The following ST3GAL1 variants were observed in gnomAD, a reference collection of about 807,000 sequenced individuals.
ST3GAL1 encodes the protein ST3 beta-galactoside alpha-2,3-sialyltransferase 1.
ST3GAL1 carries 16 observed loss-of-function variants against 34.1 expected under a neutral mutation model. The observed-to-expected ratio is 0.47, with a 90% confidence interval of 0.32 to 0.71. ST3GAL1 has a LOEUF of 0.71. Among genes scored for constraint, ST3GAL1 ranks in the 30% least tolerant of loss-of-function variants. ST3GAL1 has a pLI of 0.04. For missense variants in ST3GAL1, 353 were observed against 447.4 expected (o/e 0.79, Z 1.90); for synonymous variants, 191 against 184.7 (o/e 1.03, Z -0.28).
intron 1 of ST3GAL1, among the ~76,000 whole-genome samples, chr8:133,552,220 C>A (rs1818884539): frequency 1.3e-5 from 2 of 152,148 alleles, no homozygotes; most frequent in Admixed American, 6.5e-5. Flanking sequence ...CATGAATGTG[C>A]AAGTAGGTGG....
intron 2 of ST3GAL1, among the ~76,000 whole-genome samples, chr8:133,521,745 A>G (rs939432238): frequency 6.6e-6 from 1 of 152,254 alleles, no homozygotes; most frequent in African/African-American, 2.4e-5. Flanking sequence ...AGAATTTTAA[A>G]TAACACGGAG....
intron 3 of ST3GAL1, among the ~76,000 whole-genome samples, chr8:133,487,182 G>A (rs1816636843): frequency 1.3e-5 from 2 of 152,020 alleles, no homozygotes; most frequent in Non-Finnish European, 2.9e-5. Context: ...CTCGTGATCT[G>A]CCCACCTTGG....
chr8:133,555,215 C>T (rs144890953), intron 1 of ST3GAL1, among the ~76,000 whole-genome samples: 17 of 152,168 alleles, frequency 1.1e-4, no homozygotes, highest in East Asian at 1.9e-4. Context: ...TCAGCCTGGC[C>T]GGGCTTTAGT....
chr8:133,568,960 G>A (rs1430340626), intron 1 of ST3GAL1, among the ~76,000 whole-genome samples: 1 of 152,240 alleles, frequency 6.6e-6, no homozygotes, highest in Non-Finnish European at 1.5e-5. Context: ...ACCAGGGAAG[G>A]GGGGCAGTAC....
intron 2 of ST3GAL1, among the ~76,000 whole-genome samples, chr8:133,509,568 C>G (rs1461978860): frequency 6.6e-6 from 1 of 152,258 alleles, no homozygotes. Flanking sequence ...CGCTTGCAAA[C>G]ACCATGTGAG....
intron 2 of ST3GAL1, among the ~76,000 whole-genome samples, chr8:133,523,748 G>A (rs781689312): frequency 6.6e-5 from 10 of 152,320 alleles, no homozygotes; most frequent in Middle Eastern, 3.4e-3. Flanking sequence ...CAAACGGACT[G>A]GCAGAAGGCT....
chr8:133,525,046 A>T (rs1308284398), intron 2 of ST3GAL1, among the ~76,000 whole-genome samples: 2 of 152,206 alleles, frequency 1.3e-5, no homozygotes, highest in Non-Finnish European at 2.9e-5. Flanking sequence ...CAGCTCTTTC[A>T]GTCCCACCAT....
chr8:133,481,778 G>A lies in ST3GAL1; in HGVS notation c.-373-5178C>T, dbSNP rs1000619776. 6.6e-4 allele frequency among the ~76,000 whole-genome samples: 90 copies of A among 135,412 alleles called. 1 individual carries two copies. Among genetic ancestry groups the A allele is most frequent in the African/African-American group, 2.2e-3 (85 of 38,304 alleles). 88.8% of individuals were successfully genotyped at this position (135,412 alleles called of 152,430 possible). A position where few individuals can be genotyped will look rare whatever the true frequency, so the allele number is the denominator to read the frequency against. ...CCCAAAGTGCTGGGATTATAGGCAT[G>A]AGCCACCATGCCCAGTCTTTTTAGC... On this transcript the variant is annotated intron_variant, in intron 3 of 9. Transcript: ENST00000522652.
intron 6 of ST3GAL1, 78 bp downstream of exon 6, chr8:133,465,816 T>C (rs2130923984): frequency 1.3e-6 from 2 of 1,509,106 alleles, no homozygotes; most frequent in African/African-American, 1.4e-5. Flanking sequence ...TTCCTGAGCC[T>C]GAGCCAAGAT....
intron 3 of ST3GAL1, among the ~76,000 whole-genome samples, chr8:133,486,126 ACCCAAGG>A (rs1425922467): frequency 2.6e-5 from 4 of 152,164 alleles, no homozygotes; most frequent in African/African-American, 9.7e-5. Flanking sequence ...CAAGCCACCT[ACCCAAGG>A]CCCTCGGCCG....
Position 133,558,107 on chromosome 8 carries a change from T to C in ST3GAL1, c.-581-12181A>G, listed in dbSNP as rs1031185464. On this transcript the variant is annotated intron_variant, in intron 1 of 9. Transcript: ENST00000522652. ...AGGAAGCGCTCTCTGGTTGGAAGCT[T>C]TGAATGAGAAAGAGCCTTCTAAACC... 2.0e-5 allele frequency among the ~76,000 whole-genome samples: 3 copies of C among 152,106 alleles called. No homozygotes were observed. The South Asian group carries it at 6.2e-4, about 32-fold the overall frequency.
Position 133,461,335 on chromosome 8 carries a change from G to C in ST3GAL1, c.849+540C>G, listed in dbSNP as rs1038949168. On this transcript the variant is annotated intron_variant, in intron 9 of 9. Coordinates refer to ENST00000522652, the MANE Select transcript of ST3GAL1 (RefSeq NM_173344.3). The surrounding 1 kb of genome is among the most constrained non-coding windows in gnomAD (Gnocchi z 4.7). ...TCCTGGGGTGGCAGCAAACCTCTCA[G>C]AGCATAAGTGGAAACCCGAACACAG... Among the ~76,000 whole-genome samples the C allele has an allele frequency of 1.3e-5, 2 of 152,164 alleles. No individual in the cohort carries two copies. Among genetic ancestry groups the C allele is most frequent in the African/African-American group, 4.8e-5 (2 of 41,432 alleles).
At chr8:133,488,124 C>G (rs1019098173) in intron 3 of ST3GAL1, 7 of 152,190 alleles carry the variant, frequency 4.6e-5, no homozygotes, top group Admixed American at 2.0e-4. Flanking sequence ...GTGGCTTGCC[C>G]CTGTCATCCC....
intron 1 of ST3GAL1, among the ~76,000 whole-genome samples, chr8:133,568,818 G>C (rs759266580): frequency 1.3e-5 from 2 of 152,022 alleles, no homozygotes; most frequent in African/African-American, 2.4e-5. Context: ...GCTTGGTGGG[G>C]AGGGGAGACA....
At chr8:133,556,000 T>C (rs9297869) in intron 1 of ST3GAL1, among the ~76,000 whole-genome samples, 109,280 of 152,068 alleles carry the variant, frequency 0.72, 39,716 homozygotes, top group Middle Eastern at 0.88. Flanking sequence ...TTCAAGCAAT[T>C]CTCGTGCCTC....
chr8:133,522,241 C>G (rs1817833338), intron 2 of ST3GAL1, among the ~76,000 whole-genome samples: 1 of 152,110 alleles, frequency 6.6e-6, no homozygotes, highest in Non-Finnish European at 1.5e-5. Flanking sequence ...AAGGAAAGTT[C>G]AGAGGATGTG....
intron 1 of ST3GAL1, among the ~76,000 whole-genome samples, chr8:133,554,320 C>T (rs1818944039): frequency 6.6e-6 from 1 of 152,192 alleles, no homozygotes; most frequent in Non-Finnish European, 1.5e-5. Flanking sequence ...CCTATGCTCC[C>T]TTGCAGCGAA....
chr8:133,463,811 C>T (rs1815617245), intron 7 of ST3GAL1, among the ~76,000 whole-genome samples: 1 of 152,222 alleles, frequency 6.6e-6, no homozygotes, highest in South Asian at 2.1e-4. Context: ...GCTGCTGGGG[C>T]ACTGGCTGGT....
chr8:133,557,321 C>T (rs910115755), intron 1 of ST3GAL1, among the ~76,000 whole-genome samples: 12 of 152,178 alleles, frequency 7.9e-5, no homozygotes, highest in Non-Finnish European at 1.5e-4. Context: ...CAATGGGGTC[C>T]TCATAGGATA....
Sources: allele counts gnomAD v4.1 joint callset (sites outside exome capture counted in the v4.1 genomes callset), GRCh38; gene constraint gnomAD v4.1.1; non-coding constraint Gnocchi (gnomAD v3.1); transcripts MANE v1.5; gene names NCBI Gene and HGNC (gene_info 2026-07-23, HGNC 2026-07-21).